EXOC6B: variants seen among roughly 807,000 people sequenced by gnomAD.
The protein encoded by EXOC6B is SEC15 homolog B.
Under a neutral mutation model 113.5 loss-of-function variants are expected in EXOC6B, and 54 were observed. That is an observed-to-expected ratio of 0.48 (90% confidence interval 0.38 to 0.60). EXOC6B has a LOEUF of 0.60. EXOC6B is among the 20% of genes least tolerant of loss of function. The probability of loss-of-function intolerance (pLI) is 0.00; values close to 1 mark genes in which losing one functional copy is unlikely to be tolerated. For missense variants in EXOC6B, 797 were observed against 977.5 expected (o/e 0.82, Z 2.46); for synonymous variants, 357 against 339.0 (o/e 1.05, Z -0.58).
chr2:72,425,913 T>C (rs535088524), intron 18 of EXOC6B, among the ~76,000 whole-genome samples: 2 of 152,208 alleles, frequency 1.3e-5, no homozygotes, highest in South Asian at 4.1e-4. Flanking sequence ...TTAAAAACAT[T>C]GTATGTGACA....
intron 6 of EXOC6B, among the ~76,000 whole-genome samples, chr2:72,578,522 A>G (rs1398293387): frequency 6.6e-6 from 1 of 152,038 alleles, no homozygotes; most frequent in Non-Finnish European, 1.5e-5. Flanking sequence ...AAACCCAAGT[A>G]CAATTCTTCT....
intron 19 of EXOC6B, among the ~76,000 whole-genome samples, chr2:72,366,031 T>C (rs1690606655): frequency 6.6e-6 from 1 of 152,012 alleles, no homozygotes; most frequent in South Asian, 2.1e-4. Context: ...CATCCAACAA[T>C]ATGAAATGTA....
chr2:72,625,629 G>A (rs915905942), intron 6 of EXOC6B, among the ~76,000 whole-genome samples: 1 of 152,164 alleles, frequency 6.6e-6, no homozygotes, highest in Non-Finnish European at 1.5e-5. Context: ...GCTAGCATAT[G>A]CCAAGAAAGG....
At chr2:72,314,202 C>T (rs1687373307) in intron 20 of EXOC6B, among the ~76,000 whole-genome samples, 1 of 152,158 alleles carries the variant, frequency 6.6e-6, no homozygotes, top group Non-Finnish European at 1.5e-5. Context: ...TGCCCTGTCT[C>T]TTCCTGGCAT....
chr2:72,370,010 T>C (rs1281121429), intron 19 of EXOC6B, among the ~76,000 whole-genome samples: 3 of 152,004 alleles, frequency 2.0e-5, no homozygotes. Flanking sequence ...AACTGACAAA[T>C]GGGATCTCAT....
chr2:72,607,907 A>G (rs928658519), intron 6 of EXOC6B, among the ~76,000 whole-genome samples: 2 of 152,172 alleles, frequency 1.3e-5, no homozygotes, highest in Non-Finnish European at 2.9e-5. Context: ...GGAAAGGAAA[A>G]GAATTCCAAT....
rs1178321834 is a variant in EXOC6B at position 72,189,860 on chromosome 2, C to CTTCTTTTTT, written c.2197-5674_2197-5673insAAAAAAGAA. 9.4e-4 allele frequency among the ~76,000 whole-genome samples: 82 copies of CTTCTTTTTT among 87,190 alleles called. 1 individual carries two copies. Among genetic ancestry groups the CTTCTTTTTT allele is most frequent in the African/African-American group, 4.9e-3 (75 of 15,324 alleles). 57.2% of individuals were successfully genotyped at this position (87,190 alleles called of 152,430 possible). ...TCTCTCTCTCTTTCTCCTTCTTCTT[C>CTTCTTTTTT]TTTTTTTTTTTTTTTTTTTTGAGGC... is the stretch of plus-strand genomic sequence containing the variant. On this transcript the variant is annotated intron_variant, in intron 20 of 21. Transcript: ENST00000272427.
At chr2:72,657,356 G>A (rs1445674251) in intron 6 of EXOC6B, among the ~76,000 whole-genome samples, 2 of 149,828 alleles carry the variant, frequency 1.3e-5, no homozygotes, top group African/African-American at 4.9e-5. Flanking sequence ...CTCCCTAATA[G>A]CCGGGATTAC....
intron 6 of EXOC6B, among the ~76,000 whole-genome samples, chr2:72,682,143 C>T (rs1275394402): frequency 2.6e-5 from 4 of 152,062 alleles, no homozygotes; most frequent in African/African-American, 4.8e-5. Context: ...GGGCAAAACA[C>T]ATGGCCAAAT....
At position 72,233,406 on chromosome 2, in the gene EXOC6B, T is replaced by G. The variant is rs150334749; in HGVS notation, c.2197-49219A>C. Among the ~76,000 whole-genome samples the G allele has an allele frequency of 4.1e-4, 63 of 152,190 alleles. No homozygotes were observed. The South Asian group carries it at 9.3e-3, about 23-fold the overall frequency. On this transcript the variant is annotated intron_variant, in intron 20 of 21. Coordinates refer to ENST00000272427, the MANE Select transcript of EXOC6B (RefSeq NM_015189.3). Reference sequence around the variant, plus strand: ...AGGAGTGAAGCTGGGCCCCAGCCTGTCTGGGCTCTGTGGGGAGCCAGGAAA... The same window carrying G: ...AGGAGTGAAGCTGGGCCCCAGCCTGGCTGGGCTCTGTGGGGAGCCAGGAAA...
At chr2:72,649,864 T>G (rs774595396) in intron 6 of EXOC6B, among the ~76,000 whole-genome samples, 1 of 150,784 alleles carries the variant, frequency 6.6e-6, no homozygotes, top group African/African-American at 2.4e-5. Context: ...TTCATAAACA[T>G]AAGCAAAAAA....
At chr2:72,489,482 C>A (rs1699620451) in intron 16 of EXOC6B, among the ~76,000 whole-genome samples, 1 of 152,130 alleles carries the variant, frequency 6.6e-6, no homozygotes, top group African/African-American at 2.4e-5. Context: ...ACTGCTTAGA[C>A]CTCTTAATAA....
At chr2:72,320,334 G>C (rs1687779222) in intron 20 of EXOC6B, among the ~76,000 whole-genome samples, 1 of 151,830 alleles carries the variant, frequency 6.6e-6, no homozygotes. Context: ...TTGATTTCAA[G>C]ACAATATAAA....
chr2:72,227,401 T>A (rs778962835), intron 20 of EXOC6B, among the ~76,000 whole-genome samples: 1 of 152,034 alleles, frequency 6.6e-6, no homozygotes, highest in African/African-American at 2.4e-5. Context: ...CAAGAAGACA[T>A]AAAATTTCTA....
chr2:72,480,254 A>C (rs1195458940), intron 17 of EXOC6B, among the ~76,000 whole-genome samples: 2 of 152,152 alleles, frequency 1.3e-5, no homozygotes, highest in African/African-American at 2.4e-5. Context: ...ACAGCTTAGT[A>C]GAAAATTTTA....
intron 1 of EXOC6B, among the ~76,000 whole-genome samples, chr2:72,790,122 A>G (rs1345132386): frequency 3.3e-5 from 5 of 152,352 alleles, no homozygotes; most frequent in East Asian, 3.9e-4. Flanking sequence ...CCCCATGCTA[A>G]CAGTAAGTTG....
intron 17 of EXOC6B, among the ~76,000 whole-genome samples, chr2:72,478,007 T>C (rs978843462): frequency 6.6e-6 from 1 of 152,194 alleles, no homozygotes; most frequent in Admixed American, 6.5e-5. Context: ...CCTGAAACTT[T>C]TCCTAATTTG....
At position 72,498,429 on chromosome 2, in the gene EXOC6B, CAT is replaced by C. The variant is rs1700150889; in HGVS notation, c.1337+23_1337+24del. 1.6e-5 allele frequency: 25 copies of C among 1,521,564 alleles called. No individual in the cohort carries two copies. The East Asian group carries it at 5.2e-4, about 32-fold the overall frequency. The allele number at this position is 1,521,564 out of a possible 1,614,324, so 94.3% of individuals were successfully genotyped here. A position where few individuals can be genotyped will look rare whatever the true frequency, so the allele number is the denominator to read the frequency against. ...ACACTAATGTACATGAACACACACA[CAT>C]ATGACTATAGATAATTTCTCACCTG... On this transcript the variant is annotated intron_variant, in intron 13 of 21. Transcript: ENST00000272427.
At chr2:72,726,152 T>G (rs1317851202) in intron 5 of EXOC6B, among the ~76,000 whole-genome samples, 2 of 152,230 alleles carry the variant, frequency 1.3e-5, no homozygotes, top group Non-Finnish European at 2.9e-5. Flanking sequence ...ATTGTATGAT[T>G]CCATTTATAT....
Sources: gnomAD v4.1 joint callset for allele counts (sites outside exome capture counted in the v4.1 genomes callset) on GRCh38, gnomAD v4.1.1 for gene constraint, MANE v1.5 for transcripts, NCBI Gene and HGNC (gene_info 2026-07-23, HGNC 2026-07-21) for gene names.